The following KIF26B variants were observed in gnomAD, a reference collection of about 807,000 sequenced individuals.
KIF26B encodes kinesin family member 26B, also known as kinesin-like protein KIF26B.
A neutral mutation model predicts 151.2 loss-of-function variants in KIF26B; 63 were observed. The observed-to-expected ratio is 0.42, with a 90% CI of 0.34 to 0.51. KIF26B has a LOEUF of 0.51. KIF26B is among the 20% of genes least tolerant of loss of function. The pLI is 0.07. For missense variants in KIF26B, 2,813 were observed against 2,913.6 expected, an observed-to-expected ratio of 0.97 and a Z score of 0.79; for synonymous variants, 1,357 against 1,262.1, an observed-to-expected ratio of 1.08 and a Z score of -1.59.
At chr1:245,661,405 G>C (rs2044136568) in intron 10 of KIF26B, among the ~76,000 whole-genome samples, 1 of 151,990 alleles carries the variant, frequency 6.6e-6, no homozygotes, top group Non-Finnish European at 1.5e-5. Context: ...GTGCAGCACA[G>C]CCTAGGGCTG....
intron 3 of KIF26B, among the ~76,000 whole-genome samples, chr1:245,381,295 TTTG>T (rs1673402397): frequency 1.3e-5 from 2 of 152,026 alleles, no homozygotes; most frequent in South Asian, 2.1e-4. Context: ...CTGAGGAATG[TTTG>T]TTGTTGTTGT....
chr1:245,491,534 G>A (rs1660409477), intron 4 of KIF26B, among the ~76,000 whole-genome samples: 1 of 152,180 alleles, frequency 6.6e-6, no homozygotes, highest in African/African-American at 2.4e-5. Flanking sequence ...CCCGTAGCCT[G>A]AGCGGGAAAC....
intron 5 of KIF26B, among the ~76,000 whole-genome samples, chr1:245,561,608 T>C (rs1455800008): frequency 1.2e-4 from 18 of 152,254 alleles, no homozygotes; most frequent in Admixed American, 9.2e-4. Flanking sequence ...ATCATTTGCA[T>C]GTATCAACTC....
At chr1:245,198,292 G>C (rs1669227531) in intron 2 of KIF26B, among the ~76,000 whole-genome samples, 1 of 152,208 alleles carries the variant, frequency 6.6e-6, no homozygotes, top group Non-Finnish European at 1.5e-5. Flanking sequence ...TGTGCCCTCA[G>C]ACAAGTTACT....
At chr1:245,682,018 G>T (rs1328949576) in intron 10 of KIF26B, among the ~76,000 whole-genome samples, 1 of 152,170 alleles carries the variant, frequency 6.6e-6, no homozygotes, top group African/African-American at 2.4e-5. Context: ...CGAGGCGGGC[G>T]GATCGCCTGA....
At chr1:245,458,205 A>C (rs935153464) in intron 4 of KIF26B, among the ~76,000 whole-genome samples, 3 of 152,148 alleles carry the variant, frequency 2.0e-5, no homozygotes, top group Non-Finnish European at 2.9e-5. Flanking sequence ...AGCCCACTCA[A>C]ACCCCTCGGC....
chr1:245,460,353 T>A (rs1172726754), intron 4 of KIF26B, among the ~76,000 whole-genome samples: 1 of 152,174 alleles, frequency 6.6e-6, no homozygotes, highest in Non-Finnish European at 1.5e-5. Flanking sequence ...TTCTCTTAAA[T>A]CAGAGATTGC....
At chr1:245,576,057 C>G (rs1057269321) in intron 5 of KIF26B, among the ~76,000 whole-genome samples, 3 of 152,176 alleles carry the variant, frequency 2.0e-5, no homozygotes, top group Non-Finnish European at 2.9e-5. Context: ...AAGCATCAGG[C>G]TCTTCAGACC....
At chr1:245,207,980 C>A (rs1012900166) in intron 2 of KIF26B, among the ~76,000 whole-genome samples, 2 of 152,146 alleles carry the variant, frequency 1.3e-5, no homozygotes, top group Non-Finnish European at 2.9e-5. Flanking sequence ...CATCTGGAAG[C>A]CCCCGCGGAG....
rs58227388 is a variant in KIF26B at position 245,563,641 on chromosome 1, T to C, written c.1350+22691T>C. Among the ~76,000 whole-genome samples the C allele has an allele frequency of 0.18, 26,899 of 152,198 alleles. 2,960 individuals carry two copies. The highest frequency in any genetic ancestry group is 0.29 in the East Asian group (1,497 of 5,160). ...CCTCGGGAGTGGGGCTGCTTGAGAC[T>C]GTGGGAACGATGTTTTCGTTAAGAA... On this transcript the variant is annotated intron_variant, in intron 5 of 14. Coordinates refer to ENST00000407071, the MANE Select transcript of KIF26B (RefSeq NM_018012.4). The surrounding 1 kb of genome is among the most constrained non-coding windows in gnomAD (Gnocchi z 4.6).
intron 2 of KIF26B, among the ~76,000 whole-genome samples, chr1:245,350,527 A>G (rs1381687319): frequency 1.3e-5 from 2 of 152,216 alleles, no homozygotes; most frequent in Non-Finnish European, 2.9e-5. Flanking sequence ...TCCCCTGAGC[A>G]GGAATGCCGT....
intron 2 of KIF26B, among the ~76,000 whole-genome samples, chr1:245,199,519 C>T (rs1445470876): frequency 6.6e-6 from 1 of 151,020 alleles, no homozygotes; most frequent in Non-Finnish European, 1.5e-5. Context: ...CTCTCTGTTG[C>T]CCAGGCTGGA....
intron 2 of KIF26B, among the ~76,000 whole-genome samples, chr1:245,251,756 A>T (rs1336069999): frequency 6.6e-6 from 1 of 152,184 alleles, no homozygotes; most frequent in Non-Finnish European, 1.5e-5. Context: ...TCTCTGAACT[A>T]AATTCCACAC....
intron 2 of KIF26B, among the ~76,000 whole-genome samples, chr1:245,240,934 C>T (rs1247046910): frequency 6.6e-6 from 1 of 152,108 alleles, no homozygotes; most frequent in Non-Finnish European, 1.5e-5. Flanking sequence ...GCCCTGAGCT[C>T]AAAGATAAAG....
At chr1:245,652,122 GT>G (rs2044023960) in intron 10 of KIF26B, among the ~76,000 whole-genome samples, 1 of 138,192 alleles carries the variant, frequency 7.2e-6, no homozygotes. Context: ...GTGTGTGTGT[GT>G]GTGTGTGTGT....
chr1:245,336,598 C>T (rs967708054), intron 2 of KIF26B, among the ~76,000 whole-genome samples: 1 of 152,154 alleles, frequency 6.6e-6, no homozygotes, highest in African/African-American at 2.4e-5. Flanking sequence ...TGCGGCGGCT[C>T]GTGCGGAGCC....
chr1:245,645,988 T>C, intron 9 of KIF26B, 133 bp from the exon 10 acceptor site: 1 of 911,842 alleles, frequency 1.1e-6, no homozygotes. Context: ...TGGGGTTTCC[T>C]AGTAGGTCAT....
chr1:245,609,179 T>A lies in KIF26B; in HGVS notation c.1652-87T>A, dbSNP rs112845779. 2.4e-4 allele frequency: 304 copies of A among 1,284,382 alleles called. 2 individuals carry two copies. In the African/African-American group the frequency reaches 3.8e-3, roughly 16 times the overall value. 79.6% of individuals were successfully genotyped at this position (1,284,382 alleles called of 1,614,324 possible). On this transcript the variant is annotated intron_variant, in intron 7 of 14. Transcript: ENST00000407071. ...TTTCCCCCCTTCCCTGTGCCTTTCT[T>A]CTATATCCTTGGCATCTATTTTGGA...
rs1572010742 is a variant in KIF26B, at chr1:245,336,044, T to C, written c.466-30790T>C. On this transcript the variant is annotated intron_variant, in intron 2 of 14. Coordinates refer to ENST00000407071, the MANE Select transcript of KIF26B (RefSeq NM_018012.4). ...AGAGTCCCACGCAGGGAAAGGAGGG[T>C]CCCACGCAGGGAAAGGAGAGTCCCA... is the stretch of plus-strand genomic sequence containing the variant. Among the ~76,000 whole-genome samples, 3 of 82,172 alleles carry C rather than the reference T, an allele frequency of 3.7e-5. 1 individual carries two copies. Among genetic ancestry groups the C allele is most frequent in the African/African-American group, 1.3e-4 (2 of 15,264 alleles). 53.9% of individuals were successfully genotyped at this position (82,172 alleles called of 152,430 possible).
Sources: allele counts gnomAD v4.1 joint callset (sites outside exome capture counted in the v4.1 genomes callset), GRCh38; gene constraint gnomAD v4.1.1; non-coding constraint Gnocchi (gnomAD v3.1); transcripts MANE v1.5; gene names NCBI Gene and HGNC (gene_info 2026-07-23, HGNC 2026-07-21).